TOX: variants seen among roughly 807,000 people sequenced by gnomAD.
TOX encodes the protein thymocyte selection-associated high mobility group box protein TOX.
TOX carries 11 observed loss-of-function variants against 53.7 expected under a neutral mutation model. That is an observed-to-expected ratio of 0.20 (90% CI 0.13 to 0.34). The LOEUF (loss-of-function observed/expected upper bound fraction) is 0.34, where lower values mean the gene tolerates loss of function less well. Ranked by LOEUF, TOX falls within the 10% of genes least tolerant of loss-of-function variation. The probability of loss-of-function intolerance (pLI) is 1.00; values close to 1 mark genes in which losing one functional copy is unlikely to be tolerated. For missense variants in TOX, 570 were observed against 664.6 expected (o/e 0.86, Z 1.56); for synonymous variants, 225 against 245.3 (o/e 0.92, Z 0.77).
chr8:58,886,400 T>A (rs1811468831), intron 3 of TOX, among the ~76,000 whole-genome samples: 1 of 152,114 alleles, frequency 6.6e-6, no homozygotes, highest in South Asian at 2.1e-4. Context: ...CACAGCTGCA[T>A]CAGAAGGGAA....
Position 58,815,728 on chromosome 8 carries a change from T to C in TOX, c.1006-4A>G. On this transcript the variant is annotated splice_region_variant and splice_polypyrimidine_tract_variant and intron_variant, in intron 6 of 8. Transcript: ENST00000361421. Reference sequence around the variant, plus strand: ...CGTCAACAGGTTCACTGTAGCTCTGTTGAGGAAATAAATGAGCAGAGTTGG... The same window carrying C: ...CGTCAACAGGTTCACTGTAGCTCTGCTGAGGAAATAAATGAGCAGAGTTGG... 6.3e-7 allele frequency: 1 copy of C among 1,599,662 alleles called. No individual in the cohort carries two copies. Among genetic ancestry groups the C allele is most frequent in the South Asian group, 1.1e-5 (1 of 88,946 alleles).
intron 6 of TOX, 90 bp from the exon 7 acceptor site, chr8:58,815,814 T>G: frequency 7.1e-7 from 1 of 1,404,496 alleles, no homozygotes; most frequent in Non-Finnish European, 9.5e-7. Flanking sequence ...TAAAGCACCT[T>G]CCCTGGAATC....
At position 59,118,937 on chromosome 8, in the gene TOX, G is replaced by A. The variant is rs1302944108; in HGVS notation, c.51C>T (p.Asp17=). 1.2e-6 allele frequency: 2 copies of A among 1,601,938 alleles called. No homozygotes were observed. Among genetic ancestry groups the A allele is most frequent in the Non-Finnish European group, 1.7e-6 (2 of 1,173,844 alleles). ...PPPAQPAAAP[D]APCLGPSPCL... Reference sequence around the variant, plus strand: ...AGGGAGAAGGTCCCAGACAGGGAGCGTCGGGCGCAGCGGCGGGCTGGGCTG... The same window carrying A: ...AGGGAGAAGGTCCCAGACAGGGAGCATCGGGCGCAGCGGCGGGCTGGGCTG... Residue 17 remains aspartate, a synonymous_variant, in exon 1 of 9, where the codon GAC becomes GAT. Transcript: ENST00000361421. This position sits in a 1 kb window ranked among gnomAD's most constrained non-coding sequence, Gnocchi z 4.1.
chr8:59,004,891 G>A (rs1053897453), intron 1 of TOX, among the ~76,000 whole-genome samples: 1 of 152,012 alleles, frequency 6.6e-6, no homozygotes, highest in Admixed American at 6.6e-5. Context: ...ATGCCTGTTC[G>A]CACATCCCAG....
chr8:58,868,907 G>A (rs1335444665), intron 3 of TOX, among the ~76,000 whole-genome samples: 2 of 149,804 alleles, frequency 1.3e-5, no homozygotes, highest in Admixed American at 6.6e-5. Flanking sequence ...GGTTCTTTGA[G>A]AAAGCAGTAA....
chr8:58,855,022 A>G (rs1368081788), intron 3 of TOX, among the ~76,000 whole-genome samples: 1 of 152,182 alleles, frequency 6.6e-6, no homozygotes, highest in African/African-American at 2.4e-5. Context: ...CAAATGCAAA[A>G]CCTGAAGTAG....
chr8:59,110,291 T>A (rs994726845), intron 1 of TOX, among the ~76,000 whole-genome samples: 4 of 152,214 alleles, frequency 2.6e-5, no homozygotes, highest in Non-Finnish European at 5.9e-5. Context: ...GTTGAAAGGT[T>A]ATCCTGCCTC....
chr8:58,995,679 T>C (rs1813547811), intron 1 of TOX, among the ~76,000 whole-genome samples: 1 of 152,186 alleles, frequency 6.6e-6, no homozygotes, highest in Non-Finnish European at 1.5e-5. Flanking sequence ...ATGTGTTTAT[T>C]TTGTGTTATA....
At chr8:58,926,048 C>G (rs1290499121) in intron 3 of TOX, among the ~76,000 whole-genome samples, 1 of 152,166 alleles carries the variant, frequency 6.6e-6, no homozygotes, top group Non-Finnish European at 1.5e-5. Context: ...AGTTGAGTGC[C>G]TGGGCTGAGC....
intron 3 of TOX, among the ~76,000 whole-genome samples, chr8:58,858,987 T>A (rs1028148230): frequency 6.6e-6 from 1 of 152,220 alleles, no homozygotes; most frequent in East Asian, 1.9e-4. Context: ...AATATGTAAA[T>A]GTATACAACA....
At chr8:59,084,369 T>G (rs1370266735) in intron 1 of TOX, among the ~76,000 whole-genome samples, 2 of 152,116 alleles carry the variant, frequency 1.3e-5, no homozygotes, top group African/African-American at 4.8e-5. Context: ...AATATTGTAC[T>G]GGAAAATAGC....
At chr8:58,910,987 G>A (rs1218799912) in intron 3 of TOX, among the ~76,000 whole-genome samples, 1 of 152,034 alleles carries the variant, frequency 6.6e-6, no homozygotes, top group Non-Finnish European at 1.5e-5. Flanking sequence ...ATTTAAATTA[G>A]GCATTTAATT....
chr8:58,894,955 G>A (rs555422879), intron 3 of TOX, among the ~76,000 whole-genome samples: 20 of 151,642 alleles, frequency 1.3e-4, no homozygotes, highest in African/African-American at 4.1e-4. Flanking sequence ...TTTGGGAGGC[G>A]GAGGCAGGGG....
At chr8:58,951,184 C>T (rs772895180) in intron 2 of TOX, among the ~76,000 whole-genome samples, 1 of 152,134 alleles carries the variant, frequency 6.6e-6, no homozygotes, top group Non-Finnish European at 1.5e-5. Flanking sequence ...GGTCAGAATC[C>T]TAGCTCTAAT....
At chr8:59,068,730 G>A (rs1377074663) in intron 1 of TOX, among the ~76,000 whole-genome samples, 3 of 152,108 alleles carry the variant, frequency 2.0e-5, no homozygotes, top group Non-Finnish European at 4.4e-5. Flanking sequence ...ACGAATGTTC[G>A]AGTCTGGCCA....
rs779605218 is a variant in TOX, at chr8:59,118,979, T to C, written c.9A>G (p.Val3=). Residue 3 remains valine (V), a synonymous_variant, in exon 1 of 9, where the codon GTA becomes GTG. Transcript: ENST00000361421. The surrounding 1 kb of genome is among the most constrained non-coding windows in gnomAD (Gnocchi z 4.1). MD[V]RFYPPPAQPA... ...GCTGGGCTGGAGGTGGATAAAATCTTACGTCCATTTCACTCTCACATCAAG... is the reference window on the plus strand; with the variant it reads ...GCTGGGCTGGAGGTGGATAAAATCTCACGTCCATTTCACTCTCACATCAAG... 4.4e-6 allele frequency: 7 copies of C among 1,602,184 alleles called. No homozygotes were observed. The East Asian group carries it at 1.4e-4, about 32-fold the overall frequency.
intron 1 of TOX, among the ~76,000 whole-genome samples, chr8:58,987,992 C>T (rs1291773091): frequency 2.0e-5 from 3 of 152,188 alleles, no homozygotes; most frequent in Non-Finnish European, 4.4e-5. Flanking sequence ...GAATCCAATC[C>T]AGGTCTTCTG....
At chr8:58,960,781 A>C (rs572840196) in intron 1 of TOX, among the ~76,000 whole-genome samples, 1 of 152,302 alleles carries the variant, frequency 6.6e-6, no homozygotes, top group East Asian at 1.9e-4. Flanking sequence ...ACAACAAAAT[A>C]CTTTTCAGTA....
intron 3 of TOX, among the ~76,000 whole-genome samples, chr8:58,884,232 A>C (rs2129171205): frequency 6.6e-6 from 1 of 152,312 alleles, no homozygotes; most frequent in South Asian, 2.1e-4. Context: ...TTGAAAGCTG[A>C]CAACAATCCC....
Sources: allele counts gnomAD v4.1 joint callset (sites outside exome capture counted in the v4.1 genomes callset), GRCh38; gene constraint gnomAD v4.1.1; non-coding constraint Gnocchi (gnomAD v3.1); transcripts MANE v1.5; gene names NCBI Gene and HGNC (gene_info 2026-07-23, HGNC 2026-07-21).